Variants in DDX24 observed in about 807,000 individuals in gnomAD.
DDX24 encodes DEAD-box helicase 24.
DDX24 carries 24 observed loss-of-function variants against 68.9 expected under a neutral mutation model. The observed-to-expected ratio is 0.35, with a 90% confidence interval of 0.25 to 0.49. The LOEUF (loss-of-function observed/expected upper bound fraction) is 0.49, where lower values mean the gene tolerates loss of function less well. Among genes scored for constraint, DDX24 ranks in the 20% least tolerant of loss-of-function variants. The pLI, the probability that DDX24 is intolerant of heterozygous loss-of-function variation, is 0.99. For missense variants in DDX24, 989 were observed against 1,039.0 expected, an observed-to-expected ratio of 0.95 and a Z score of 0.66; for synonymous variants, 395 against 385.2, an observed-to-expected ratio of 1.03 and a Z score of -0.30.
At position 94,060,350 on chromosome 14, in the gene DDX24, G is replaced by C. The variant is rs1388481071; in HGVS notation, c.1661C>G (p.Thr554Arg). Residue 554 changes from threonine to arginine, a missense_variant, in exon 5 of 9, where the codon ACA (threonine) becomes AGA (arginine). Physicochemically the swap from Thr to Arg is moderately conservative, Grantham distance 71. Around this residue, in one of 3 missense-constraint regions of DDX24, gnomAD observed 691 missense variants for 760.0 expected, o/e 0.91. Coordinates refer to ENST00000621632, the MANE Select transcript of DDX24 (RefSeq NM_020414.4). The part of the protein sequence containing the change: ...MRGKPKVIDL[T>R]RNEATVETLT... ...CGTCTCCACCGTGGCCTCATTCCTTGTGAGGTCAATGACCTTGGGCTTGCC... is the reference window on the plus strand; with the variant it reads ...CGTCTCCACCGTGGCCTCATTCCTTCTGAGGTCAATGACCTTGGGCTTGCC... 6.2e-7 allele frequency: 1 copy of C among 1,614,188 alleles called. No individual in the cohort carries two copies. The highest frequency in any genetic ancestry group is 1.1e-5 in the South Asian group (1 of 91,072).
rs1885371879 is a variant in DDX24 at position 94,050,771 on chromosome 14, C to A, written c.*420G>T. 5.9e-6 allele frequency: 1 copy of A among 168,238 alleles called. No individual in the cohort carries two copies. The highest frequency in any genetic ancestry group is 6.3e-5 in the Admixed American group (1 of 15,814). The allele number at this position is 168,238 out of a possible 1,614,324, so 10.4% of individuals were successfully genotyped here. A position where few individuals can be genotyped will look rare whatever the true frequency, so the allele number is the denominator to read the frequency against. On this transcript the variant is annotated 3_prime_UTR_variant, in exon 9 of 9. Transcript: ENST00000621632. ...ATTCACACTGTCCAATCTTGGCCTGCAGCCAGAGGCCTGACACTATTCCTG... is the reference window on the plus strand; with the variant it reads ...ATTCACACTGTCCAATCTTGGCCTGAAGCCAGAGGCCTGACACTATTCCTG...
At position 94,050,457 on chromosome 14, in the gene DDX24, C is replaced by G. The variant is rs532337323; in HGVS notation, c.*734G>C. ...GCCTATTCTGCACAAAGGCTCAGGA[C>G]AAGAGAAGGGGTGCATGGAACCGTG... is the stretch of plus-strand genomic sequence containing the variant. On this transcript the variant is annotated 3_prime_UTR_variant, in exon 9 of 9. Transcript: ENST00000621632. The G allele has an allele frequency of 1.3e-5, 2 of 152,390 alleles. No homozygotes were observed. Among genetic ancestry groups the G allele is most frequent in the African/African-American group, 2.4e-5 (1 of 41,454 alleles). The allele number at this position is 152,390 out of a possible 1,614,324, so 9.4% of individuals were successfully genotyped here.
intron 8 of DDX24, 51 bp from the exon 9 acceptor site, chr14:94,051,513 T>C: frequency 1.3e-6 from 2 of 1,496,958 alleles, no homozygotes; most frequent in Middle Eastern, 1.8e-4. Context: ...TGTAGAAACA[T>C]TTTGTTTCCC....
chr14:94,054,888 C>G (rs953459456), intron 7 of DDX24, 108 bp downstream of exon 7: 1 of 1,264,788 alleles, frequency 7.9e-7, no homozygotes, highest in East Asian at 2.3e-5. Context: ...GTTGGCAGAA[C>G]CATTCCTTAG....
At position 94,064,161 on chromosome 14, in the gene DDX24, C is replaced by T. The variant is rs72631630; in HGVS notation, c.719-1540G>A. On this transcript the variant is annotated intron_variant, in intron 2 of 8. Transcript: ENST00000621632. ...AACCCCAAAGCAATCACTAAAAAGA[C>T]GTTAAGAATTATAGCTAATAAGACA... is the stretch of plus-strand genomic sequence containing the variant. Among the ~76,000 whole-genome samples, 4,327 of 152,066 alleles carry T rather than the reference C, an allele frequency of 0.028. 432 individuals carry two copies. The East Asian group carries it at 0.32, about 11-fold the overall frequency.
chr14:94,053,839 T>A (rs953843937), intron 7 of DDX24, among the ~76,000 whole-genome samples: 24 of 151,962 alleles, frequency 1.6e-4, no homozygotes, highest in African/African-American at 5.6e-4. Context: ...AATTAAAAAT[T>A]AAAAATAAAT....
At chr14:94,070,862 AG>A (rs1460000553) in intron 2 of DDX24, among the ~76,000 whole-genome samples, 1 of 152,246 alleles carries the variant, frequency 6.6e-6, no homozygotes, top group Non-Finnish European at 1.5e-5. Flanking sequence ...AATCCACTCA[AG>A]ATGGATTAAG....
intron 3 of DDX24, 61 bp downstream of exon 3, chr14:94,062,036 T>C: frequency 2.7e-6 from 4 of 1,503,554 alleles, no homozygotes; most frequent in Non-Finnish European, 3.6e-6. Context: ...CTCATTCATC[T>C]TTACCAACGA....
Position 94,060,183 on chromosome 14 carries a change from G to C in DDX24, c.1828C>G (p.Leu610Val), listed in dbSNP as rs139990251. ...IKRLSGLLKV[L>V]DIMPLTLHAC... ...TGCAGGGTCAAGGGCATGATATCAA[G>C]GACTTTGAGGAGCCCAGAGAGGCGT... The change falls in exon 5 of 9, where the codon CTT becomes GTT. Residue 610 changes from leucine (L) to valine (V), a missense_variant. Around this residue, in one of 3 missense-constraint regions of DDX24, gnomAD observed 691 missense variants for 760.0 expected, o/e 0.91. Transcript: ENST00000621632. 921 of 1,614,178 alleles carry C rather than the reference G, an allele frequency of 5.7e-4. 1 individual carries two copies. Among genetic ancestry groups the C allele is most frequent in the Non-Finnish European group, 7.0e-4 (824 of 1,180,040 alleles).
At chr14:94,059,900 T>C (rs1015307538) in intron 5 of DDX24, among the ~76,000 whole-genome samples, 198 bp downstream of exon 5, 5 of 151,654 alleles carry the variant, frequency 3.3e-5, no homozygotes, top group Non-Finnish European at 7.4e-5. Flanking sequence ...AGTTTCTGTA[T>C]GGCATTTAAC....
rs199679208 is a variant in DDX24, at chr14:94,053,135, G to A, written c.2179-8C>T. The A allele has an allele frequency of 2.4e-5, 39 of 1,613,722 alleles. No homozygotes were observed. The highest frequency in any genetic ancestry group is 6.7e-5 in the Admixed American group (4 of 59,922). ...AGCTAAACGGATTCGCTCCTGGGGGGAAGTAACAGAAAATATTCATCTGAA... is the reference window on the plus strand; with the variant it reads ...AGCTAAACGGATTCGCTCCTGGGGGAAAGTAACAGAAAATATTCATCTGAA... On this transcript the variant is annotated splice_region_variant and splice_polypyrimidine_tract_variant and intron_variant, in intron 7 of 8. Coordinates refer to ENST00000621632, the MANE Select transcript of DDX24 (RefSeq NM_020414.4).
At chr14:94,064,779 A>G (rs550076277) in intron 2 of DDX24, among the ~76,000 whole-genome samples, 167 of 152,354 alleles carry the variant, frequency 1.1e-3, no homozygotes, top group Middle Eastern at 6.8e-3. Context: ...CAGGCATAGC[A>G]AAGTGCTGAA....
chr14:94,065,115 T>A (rs1202432790), intron 2 of DDX24, among the ~76,000 whole-genome samples: 1 of 151,058 alleles, frequency 6.6e-6, no homozygotes, highest in African/African-American at 2.4e-5. Context: ...AGTGGTACAA[T>A]CTCAGCTCAC....
chr14:94,065,635 C>G (rs1157201701), intron 2 of DDX24, among the ~76,000 whole-genome samples: 1 of 152,162 alleles, frequency 6.6e-6, no homozygotes, highest in Non-Finnish European at 1.5e-5. Flanking sequence ...TCTGAAGGAA[C>G]TGGACTGCTC....
At position 94,048,951 on chromosome 14, in the gene DDX24, T is replaced by G. The variant is rs1003371154; in HGVS notation, c.*2240A>C. On this transcript the variant is annotated 3_prime_UTR_variant, in exon 9 of 9. Transcript: ENST00000621632. ...CATAACTACTTTTGTCCTGGCTTCT[T>G]AATACTGGGTACCTGGCATGCAGCC... 6.6e-6 allele frequency: 1 copy of G among 152,282 alleles called. No individual in the cohort carries two copies. The highest frequency in any genetic ancestry group is 1.5e-5 in the Non-Finnish European group (1 of 68,066). The allele number at this position is 152,282 out of a possible 1,614,324, so 9.4% of individuals were successfully genotyped here.
chr14:94,055,311 T>C (rs572882612), intron 6 of DDX24, 127 bp from the exon 7 acceptor site: 16 of 911,904 alleles, frequency 1.8e-5, no homozygotes, highest in Admixed American at 2.7e-5. Flanking sequence ...TCTGCAGCAT[T>C]GTAGAGCAAT....
chr14:94,073,911 T>C (rs2141435056), intron 2 of DDX24, among the ~76,000 whole-genome samples: 1 of 151,636 alleles, frequency 6.6e-6, no homozygotes, highest in East Asian at 1.9e-4. Context: ...GGCATGGTGG[T>C]GGGCACCTGT....
chr14:94,053,387 T>TTTC (rs1885429729), intron 7 of DDX24: 3 of 329,916 alleles, frequency 9.1e-6, no homozygotes, highest in African/African-American at 3.3e-5. Context: ...TTTTTTTTTT[T>TTTC]CGTAAAGACA....
intron 8 of DDX24, 45 bp downstream of exon 8, chr14:94,052,951 AAG>A: frequency 1.3e-6 from 2 of 1,578,006 alleles, no homozygotes; most frequent in East Asian, 2.3e-5. Context: ...GCAAAAGTTA[AAG>A]AGAGATTTCA....
Sources: gnomAD v4.1 joint callset for allele counts (sites outside exome capture counted in the v4.1 genomes callset) on GRCh38, gnomAD v4.1.1 for gene constraint, gnomAD v4.1.1 regional missense constraint, MANE v1.5 for transcripts, NCBI Gene and HGNC (gene_info 2026-07-23, HGNC 2026-07-21) for gene names.